Variants in PSD3 observed in about 807,000 individuals in gnomAD.
The protein encoded by PSD3 is PH and SEC7 domain-containing protein 3.
In PSD3, 49 loss-of-function variants were observed where a neutral mutation model predicts 105.5. The ratio of observed to expected loss-of-function variants is 0.46; its 90% CI spans 0.37 to 0.59. The LOEUF is 0.59. Among genes scored for constraint, PSD3 ranks in the 20% least tolerant of loss-of-function variants. The probability of loss-of-function intolerance (pLI) is 0.00; values close to 1 mark genes in which losing one functional copy is unlikely to be tolerated. For synonymous variants in PSD3, 557 were observed against 457.8 expected, an observed-to-expected ratio of 1.22 and a Z score of -2.77; for missense variants, 1,561 against 1,263.8, an observed-to-expected ratio of 1.24 and a Z score of -3.57.
At chr8:18,972,270 T>C (rs1824697044) in intron 1 of PSD3, among the ~76,000 whole-genome samples, 2 of 152,114 alleles carry the variant, frequency 1.3e-5, no homozygotes, top group Admixed American at 6.5e-5. Context: ...GAAAAGCAAA[T>C]GGAATTGATT....
chr8:18,925,067 A>G (rs1427101510), intron 2 of PSD3, among the ~76,000 whole-genome samples: 1 of 152,244 alleles, frequency 6.6e-6, no homozygotes, highest in Non-Finnish European at 1.5e-5. Flanking sequence ...CAGTATCCAG[A>G]GTCATACAAT....
In PSD3 at chr8:18,535,034, T is replaced by C. The variant is rs2129898148; in HGVS notation, c.*709A>G. On this transcript the variant is annotated 3_prime_UTR_variant, in exon 16 of 16. Transcript: ENST00000327040. ...CTGGGTATCAATCTTTCCTCAGCCT[T>C]CAAAGGCAAAATGACTCCACTTCCT... The C allele has an allele frequency of 6.5e-6, 1 of 152,716 alleles. No homozygotes were observed. The highest frequency in any genetic ancestry group is 1.5e-5 in the Non-Finnish European group (1 of 68,042). The allele number at this position is 152,716 out of a possible 1,614,324, so 9.5% of individuals were successfully genotyped here.
chr8:18,689,425 A>T (rs118102206), intron 9 of PSD3, among the ~76,000 whole-genome samples: 1,681 of 152,300 alleles, frequency 0.011, 17 homozygotes, highest in Non-Finnish European at 0.018. Context: ...TAGTAGAAGG[A>T]GGTGAAGACT....
chr8:18,793,353 T>C (rs1346856541), intron 8 of PSD3, among the ~76,000 whole-genome samples: 1 of 133,620 alleles, frequency 7.5e-6, no homozygotes, highest in Non-Finnish European at 1.6e-5. Context: ...AAAAAATAAC[T>C]CTGTAAGGTA....
At chr8:18,812,910 T>C (rs1227612484) in intron 4 of PSD3, among the ~76,000 whole-genome samples, 3 of 152,124 alleles carry the variant, frequency 2.0e-5, no homozygotes, top group African/African-American at 4.8e-5. Context: ...GAAGTCACTA[T>C]AGGTCTAAAG....
chr8:18,587,775 G>C (rs112712269), intron 12 of PSD3, among the ~76,000 whole-genome samples: 10 of 152,132 alleles, frequency 6.6e-5, no homozygotes, highest in South Asian at 4.2e-4. Flanking sequence ...GTGTAGGCAG[G>C]GATTGTATCT....
chr8:18,987,967 T>A (rs1825593000), intron 1 of PSD3, among the ~76,000 whole-genome samples: 1 of 152,144 alleles, frequency 6.6e-6, no homozygotes, highest in Admixed American at 6.5e-5. Flanking sequence ...GTACCTACCA[T>A]AAGCCAAGCA....
chr8:19,028,773 A>C (rs1174874882), intron 1 of PSD3, among the ~76,000 whole-genome samples: 1 of 151,792 alleles, frequency 6.6e-6, no homozygotes, highest in African/African-American at 2.4e-5. Context: ...TGCCACAAAG[A>C]TTTTCTTCTA....
intron 13 of PSD3, among the ~76,000 whole-genome samples, chr8:18,573,818 C>T (rs188929832): frequency 2.8e-4 from 43 of 152,126 alleles, no homozygotes; most frequent in Admixed American, 2.5e-3. Context: ...AAAATGCGCA[C>T]GGGGATCTCT....
At chr8:18,892,734 C>T (rs1818888707) in intron 2 of PSD3, among the ~76,000 whole-genome samples, 1 of 151,390 alleles carries the variant, frequency 6.6e-6, no homozygotes, top group African/African-American at 2.4e-5. Flanking sequence ...AAGCGATTCT[C>T]ACACCTCAGC....
chr8:18,752,600 T>TAA (rs1805669977), intron 9 of PSD3, among the ~76,000 whole-genome samples: 2 of 82,824 alleles, frequency 2.4e-5, no homozygotes, highest in Admixed American at 4.4e-4. Flanking sequence ...ATATTATATA[T>TAA]TATATATAAT....
intron 1 of PSD3, among the ~76,000 whole-genome samples, chr8:19,081,698 T>A (rs1256450746): frequency 1.3e-5 from 2 of 152,242 alleles, no homozygotes; most frequent in East Asian, 3.8e-4. Flanking sequence ...TCATTCCTTA[T>A]AATACTTGGA....
At chr8:18,878,610 C>T (rs758980648) in intron 2 of PSD3, among the ~76,000 whole-genome samples, 2 of 152,186 alleles carry the variant, frequency 1.3e-5, no homozygotes, top group Non-Finnish European at 2.9e-5. Context: ...CCTTTCTCTA[C>T]CTGACATACT....
In PSD3 at chr8:19,028,343, G is replaced by C. The variant is rs146150733; in HGVS notation, c.324+55863C>G. Among the ~76,000 whole-genome samples the C allele has an allele frequency of 4.2e-4, 50 of 118,430 alleles. No individual in the cohort carries two copies. The East Asian group carries it at 0.014, about 33-fold the overall frequency. The allele number at this position is 118,430 out of a possible 152,430, so 77.7% of individuals were successfully genotyped here. ...GTTGGAAGATTGTGAAGATTGTGTA[G>C]ATTGTGAAGCCAATCTACCTTTTTT... On this transcript the variant is annotated intron_variant, in intron 1 of 1. Coordinates refer to the PSD3 transcript ENST00000521475.
intron 1 of PSD3, chr8:18,979,801 T>C (rs1825158493): frequency 6.5e-6 from 1 of 153,074 alleles, no homozygotes; most frequent in Non-Finnish European, 1.5e-5. Flanking sequence ...AATAAAAGAA[T>C]ATACTCTCCT....
At chr8:18,852,783 T>A (rs1347274178) in intron 4 of PSD3, among the ~76,000 whole-genome samples, 1 of 152,198 alleles carries the variant, frequency 6.6e-6, no homozygotes, top group Non-Finnish European at 1.5e-5. Context: ...ATCGAAGTCC[T>A]CACGTGCCTC....
chr8:18,564,646 A>G (rs1801618378), intron 14 of PSD3, among the ~76,000 whole-genome samples: 2 of 150,412 alleles, frequency 1.3e-5, no homozygotes, highest in African/African-American at 2.4e-5. Context: ...AAAAAAAAAG[A>G]TATTTAGAGG....
chr8:19,061,152 T>C (rs1255064639), intron 1 of PSD3, among the ~76,000 whole-genome samples: 1 of 152,078 alleles, frequency 6.6e-6, no homozygotes, highest in Non-Finnish European at 1.5e-5. Context: ...ACACAGACAG[T>C]TTAAAAAGAA....
chr8:18,900,020 A>G (rs1819403632), intron 2 of PSD3, among the ~76,000 whole-genome samples: 1 of 152,164 alleles, frequency 6.6e-6, no homozygotes, highest in Non-Finnish European at 1.5e-5. Flanking sequence ...AAGAAAAAAA[A>G]GAAAGAAACC....
Sources: gnomAD v4.1 joint callset for allele counts (sites outside exome capture counted in the v4.1 genomes callset) on GRCh38, gnomAD v4.1.1 for gene constraint, MANE v1.5 for transcripts, NCBI Gene and HGNC (gene_info 2026-07-23, HGNC 2026-07-21) for gene names.